SLC35F4: variants seen among roughly 807,000 people sequenced by gnomAD.
SLC35F4 encodes chromosome 14 open reading frame 36.
Under a neutral mutation model 44.2 loss-of-function variants are expected in SLC35F4, and 24 were observed. The observed-to-expected ratio is 0.54, with a 90% CI of 0.39 to 0.76. SLC35F4 has a LOEUF of 0.76. Ranked by LOEUF, SLC35F4 falls within the 30% of genes least tolerant of loss-of-function variation. SLC35F4 has a pLI of 0.00. For missense variants in SLC35F4, 562 were observed against 586.1 expected (o/e 0.96, Z 0.42); for synonymous variants, 238 against 223.6 (o/e 1.06, Z -0.57).
intron 1 of SLC35F4, among the ~76,000 whole-genome samples, chr14:57,859,636 C>T (rs1887509732): frequency 6.6e-6 from 1 of 152,156 alleles, no homozygotes; most frequent in African/African-American, 2.4e-5. Context: ...GAGATGAACA[C>T]ATCTGCACTG....
At chr14:57,666,782 T>A (rs1463642258) in intron 1 of SLC35F4, among the ~76,000 whole-genome samples, 1 of 152,108 alleles carries the variant, frequency 6.6e-6, no homozygotes, top group Admixed American at 6.6e-5. Flanking sequence ...TCAGGGCAGT[T>A]TCAAAAGGCT....
intron 1 of SLC35F4, among the ~76,000 whole-genome samples, chr14:57,753,728 G>T (rs879834434): frequency 1.1e-4 from 17 of 152,140 alleles, no homozygotes; most frequent in Non-Finnish European, 2.1e-4. Flanking sequence ...CCTTCTTCCA[G>T]GCTACCCAAC....
intron 3 of SLC35F4, among the ~76,000 whole-genome samples, chr14:57,586,307 C>T (rs2069714916): frequency 6.6e-6 from 1 of 152,152 alleles, no homozygotes; most frequent in Non-Finnish European, 1.5e-5. Flanking sequence ...CCCTTCCTTA[C>T]ACCTTATACA....
In SLC35F4 at chr14:57,813,110, C is replaced by T. The variant is rs12587227; in HGVS notation, c.103+52613G>A. 6.4e-3 allele frequency among the ~76,000 whole-genome samples: 968 copies of T among 152,272 alleles called. 60 individuals carry two copies. In the East Asian group the frequency reaches 0.14, roughly 22 times the overall value. ...GCTATGGAATGTACATAAGATTACA[C>T]AGTCTGTGAGTGTCAGGTCCAACCC... On this transcript the variant is annotated intron_variant, in intron 1 of 7. Transcript: ENST00000556826.
chr14:57,770,275 T>C (rs1030172623), intron 1 of SLC35F4, among the ~76,000 whole-genome samples: 3 of 152,164 alleles, frequency 2.0e-5, no homozygotes, highest in Admixed American at 1.3e-4. Context: ...CAGTGCCAGG[T>C]TGAGGGTTAC....
intron 4 of SLC35F4, among the ~76,000 whole-genome samples, chr14:57,578,433 C>G (rs2068979729): frequency 7.7e-6 from 1 of 129,184 alleles, no homozygotes; most frequent in Admixed American, 9.3e-5. Context: ...GCAATAAGAG[C>G]TACATTTATG....
intron 1 of SLC35F4, among the ~76,000 whole-genome samples, chr14:57,646,010 C>T (rs2073489847): frequency 6.6e-6 from 1 of 152,166 alleles, no homozygotes; most frequent in Non-Finnish European, 1.5e-5. Flanking sequence ...TGATGTGCTG[C>T]TGGATTCGGT....
At chr14:57,974,272 C>T (rs1365451015), downstream of SLC35F4, among the ~76,000 whole-genome samples, 9 of 152,144 alleles carry the variant, frequency 5.9e-5, 1 homozygote, top group Admixed American at 4.6e-4. Flanking sequence ...AATCTTGGTG[C>T]AGTCAAATTT....
chr14:57,890,407 C>A (rs1202942545), intron 1 of SLC35F4, among the ~76,000 whole-genome samples: 1 of 152,142 alleles, frequency 6.6e-6, no homozygotes, highest in African/African-American at 2.4e-5. Context: ...TACAGTAACC[C>A]TCAAATACAG....
intron 1 of SLC35F4, among the ~76,000 whole-genome samples, chr14:57,963,739 T>C (rs951745075): frequency 5.0e-5 from 4 of 79,400 alleles, no homozygotes; most frequent in South Asian, 4.8e-4. Context: ...TTTTTTTTTT[T>C]CAGAGACAAG....
upstream of SLC35F4, among the ~76,000 whole-genome samples, chr14:57,866,354 C>T (rs543521226): frequency 2.6e-5 from 4 of 152,090 alleles, no homozygotes; most frequent in Non-Finnish European, 5.9e-5. Flanking sequence ...CTCTGTCGCT[C>T]GGGGAGAAGA....
In SLC35F4 at chr14:57,685,770, G is replaced by T. The variant is rs559385196; in HGVS notation, c.104-91646C>A. Reference sequence around the variant, plus strand: ...CCAGAGACTAAACAACCCTCAAATTGACTGTCTTTTGTATTTATTTGTTTG... The same window carrying T: ...CCAGAGACTAAACAACCCTCAAATTTACTGTCTTTTGTATTTATTTGTTTG... On this transcript the variant is annotated intron_variant, in intron 1 of 7. Transcript: ENST00000556826. Among the ~76,000 whole-genome samples, 10 of 152,260 alleles carry T rather than the reference G, an allele frequency of 6.6e-5. No homozygotes were observed. The South Asian group carries it at 2.1e-3, about 32-fold the overall frequency.
chr14:57,896,640 G>A (rs1888877175), intron 1 of SLC35F4, among the ~76,000 whole-genome samples: 1 of 152,112 alleles, frequency 6.6e-6, no homozygotes, highest in Non-Finnish European at 1.5e-5. Flanking sequence ...TTGTTGGTGG[G>A]CTGGCCTAAG....
At chr14:57,752,077 A>C (rs1392531375) in intron 1 of SLC35F4, among the ~76,000 whole-genome samples, 1 of 152,162 alleles carries the variant, frequency 6.6e-6, no homozygotes, top group East Asian at 1.9e-4. Flanking sequence ...CTCTCTCCTC[A>C]CATGGCTTTT....
chr14:57,860,366 G>A (rs2141009313), intron 1 of SLC35F4, among the ~76,000 whole-genome samples: 1 of 152,270 alleles, frequency 6.6e-6, no homozygotes, highest in African/African-American at 2.4e-5. Context: ...ACCAAAGGTG[G>A]GTGAAGAGAG....
chr14:57,737,497 G>C (rs150892652), intron 1 of SLC35F4, among the ~76,000 whole-genome samples: 2 of 151,954 alleles, frequency 1.3e-5, no homozygotes, highest in African/African-American at 4.8e-5. Context: ...CCAGAACAGC[G>C]AACACATAAC....
chr14:57,650,299 G>A (rs557541691), intron 1 of SLC35F4, among the ~76,000 whole-genome samples: 1 of 152,030 alleles, frequency 6.6e-6, no homozygotes, highest in Admixed American at 6.6e-5. Context: ...TACCCTTACT[G>A]GAATGTTTAA....
chr14:57,821,935 AG>A (rs1283844646), intron 1 of SLC35F4, among the ~76,000 whole-genome samples: 7 of 152,188 alleles, frequency 4.6e-5, no homozygotes, highest in African/African-American at 1.7e-4. Context: ...GCACCTAAGG[AG>A]GTGCCCACTC....
intron 1 of SLC35F4, among the ~76,000 whole-genome samples, chr14:57,595,229 C>A (rs959512890): frequency 6.6e-6 from 1 of 152,176 alleles, no homozygotes; most frequent in Non-Finnish European, 1.5e-5. Flanking sequence ...TTCGTAGTCT[C>A]TCAATTTGAG....
Sources: gnomAD v4.1 joint callset for allele counts (sites outside exome capture counted in the v4.1 genomes callset) on GRCh38, gnomAD v4.1.1 for gene constraint, MANE v1.5 for transcripts, NCBI Gene and HGNC (gene_info 2026-07-23, HGNC 2026-07-21) for gene names.